The following LRRC28 variants were observed in gnomAD, a reference collection of about 807,000 sequenced individuals.
LRRC28 encodes the protein leucine rich repeat containing 28.
In LRRC28, 39 loss-of-function variants were observed where a neutral mutation model predicts 45.7. That is an observed-to-expected ratio of 0.85 (90% CI 0.66 to 1.12). The LOEUF (loss-of-function observed/expected upper bound fraction) is 1.12, where lower values mean the gene tolerates loss of function less well. Among genes scored for constraint, LRRC28 ranks in the 50% most tolerant of loss-of-function variants. The pLI, the probability that LRRC28 is intolerant of heterozygous loss-of-function variation, is 0.00. For missense variants in LRRC28, 435 were observed against 438.5 expected, an observed-to-expected ratio of 0.99 and a Z score of 0.07; for synonymous variants, 206 against 178.8, an observed-to-expected ratio of 1.15 and a Z score of -1.22.
intron 6 of LRRC28, among the ~76,000 whole-genome samples, chr15:99,342,950 A>G (rs972699872): frequency 1.3e-5 from 2 of 152,198 alleles, no homozygotes; most frequent in African/African-American, 4.8e-5. Flanking sequence ...TTAAAAATTT[A>G]TTACTCTGAG....
chr15:99,346,280 G>C (rs1220802007), intron 6 of LRRC28, among the ~76,000 whole-genome samples: 1 of 152,172 alleles, frequency 6.6e-6, no homozygotes, highest in Non-Finnish European at 1.5e-5. Flanking sequence ...GGGCTCAAGT[G>C]ATCTTTCTGC....
chr15:99,296,433 C>T (rs1311198093), intron 5 of LRRC28, among the ~76,000 whole-genome samples: 1 of 152,176 alleles, frequency 6.6e-6, no homozygotes, highest in Non-Finnish European at 1.5e-5. Context: ...CGTTACCCTC[C>T]TTAGGCAAAT....
chr15:99,308,632 C>T (rs1567648975), intron 5 of LRRC28, among the ~76,000 whole-genome samples: 3 of 152,174 alleles, frequency 2.0e-5, no homozygotes, highest in Admixed American at 2.0e-4. Flanking sequence ...ATGAACGCTC[C>T]ACTGCACTTC....
In LRRC28 at chr15:99,330,544, C is replaced by T. The variant is rs372377018; in HGVS notation, c.386-3379C>T. Among the ~76,000 whole-genome samples the T allele has an allele frequency of 2.0e-5, 3 of 152,026 alleles. No homozygotes were observed. The East Asian group carries it at 5.8e-4, about 29-fold the overall frequency. ...CTATTTTTTTCTGATATGAATATAG[C>T]TGCTCTCTCTTATGTTACTTTTTGC... On this transcript the variant is annotated intron_variant, in intron 5 of 9. Transcript: ENST00000301981.
At chr15:99,310,675 G>A (rs7167899) in intron 5 of LRRC28, among the ~76,000 whole-genome samples, 73,938 of 152,048 alleles carry the variant, frequency 0.49, 19,283 homozygotes, top group African/African-American at 0.7. Flanking sequence ...ACAAAAATCC[G>A]TGTAAGTAAG....
intron 6 of LRRC28, among the ~76,000 whole-genome samples, chr15:99,339,181 T>C (rs1186083157): frequency 2.0e-5 from 3 of 152,162 alleles, no homozygotes; most frequent in Admixed American, 1.3e-4. Context: ...TTTTTAACCA[T>C]GCGCTTCTGG....
At chr15:99,300,847 A>T (rs911803224) in intron 5 of LRRC28, among the ~76,000 whole-genome samples, 5 of 152,172 alleles carry the variant, frequency 3.3e-5, no homozygotes, top group Non-Finnish European at 5.9e-5. Flanking sequence ...TAAAATAAAA[A>T]GTGTGCACAG....
At chr15:99,314,770 G>T (rs1311290752) in intron 5 of LRRC28, among the ~76,000 whole-genome samples, 1 of 152,194 alleles carries the variant, frequency 6.6e-6, no homozygotes, top group Admixed American at 6.5e-5. Flanking sequence ...TCAATCTCTA[G>T]TGGAGAAAGT....
At chr15:99,271,285 A>ATT (rs71287826) in intron 2 of LRRC28, among the ~76,000 whole-genome samples, 5,597 of 145,984 alleles carry the variant, frequency 0.038, 182 homozygotes, top group Admixed American at 0.06. Context: ...CAGTGTATCT[A>ATT]TTTTTTTTTT....
chr15:99,363,435 C>A, intron 9 of LRRC28, 170 bp downstream of exon 9: 1 of 653,350 alleles, frequency 1.5e-6, no homozygotes, highest in Non-Finnish European at 2.5e-6. Flanking sequence ...CACAAGAAAA[C>A]TGGACTTGCC....
At chr15:99,345,429 T>C (rs1473738459) in intron 6 of LRRC28, among the ~76,000 whole-genome samples, 1 of 152,238 alleles carries the variant, frequency 6.6e-6, no homozygotes, top group Non-Finnish European at 1.5e-5. Flanking sequence ...TAGGACTTGT[T>C]GAGCACCTTT....
At chr15:99,315,540 A>G (rs1955563280) in intron 5 of LRRC28, among the ~76,000 whole-genome samples, 1 of 152,160 alleles carries the variant, frequency 6.6e-6, no homozygotes, top group African/African-American at 2.4e-5. Context: ...ATTAAACTCA[A>G]TTTTGAAACA....
chr15:99,363,047 C>T (rs979069730), intron 8 of LRRC28, 59 bp from the exon 9 acceptor site: 3 of 1,518,346 alleles, frequency 2.0e-6, no homozygotes, highest in African/African-American at 2.8e-5. Context: ...TTTTAAGAAG[C>T]GTAGTTTAAG....
chr15:99,339,897 C>G (rs1956450459), intron 6 of LRRC28, among the ~76,000 whole-genome samples: 1 of 152,136 alleles, frequency 6.6e-6, no homozygotes, highest in Non-Finnish European at 1.5e-5. Flanking sequence ...CTTGGAGATT[C>G]TAGTAGTGTT....
At chr15:99,377,133 A>G (rs1457311308) in intron 9 of LRRC28, among the ~76,000 whole-genome samples, 1 of 151,908 alleles carries the variant, frequency 6.6e-6, no homozygotes, top group Non-Finnish European at 1.5e-5. Context: ...GACTTCCACA[A>G]TGGTTGAACT....
chr15:99,385,186 C>T (rs1208284979), intron 9 of LRRC28, among the ~76,000 whole-genome samples: 1 of 152,176 alleles, frequency 6.6e-6, no homozygotes, highest in East Asian at 1.9e-4. Flanking sequence ...TGCCCTTCAG[C>T]CCCCTGCTGG....
intron 9 of LRRC28, among the ~76,000 whole-genome samples, chr15:99,369,771 A>G (rs754983864): frequency 1.3e-5 from 2 of 152,248 alleles, no homozygotes; most frequent in Non-Finnish European, 2.9e-5. Context: ...AAAATTAACT[A>G]AAAGGTCTTA....
intron 5 of LRRC28, among the ~76,000 whole-genome samples, chr15:99,329,271 A>G (rs903520989): frequency 6.6e-6 from 1 of 152,238 alleles, no homozygotes; most frequent in African/African-American, 2.4e-5. Flanking sequence ...CCATAACCAG[A>G]CTTTCAAACA....
chr15:99,366,117 G>A lies in LRRC28; in HGVS notation c.1031+2852G>A, dbSNP rs1296970062. On this transcript the variant is annotated intron_variant, in intron 9 of 9. Transcript: ENST00000301981. ...AGTTTGCCAGGGATGCTGCAACAAA[G>A]TGCTGCAAACTGGGTGACTTAAACA... 2.0e-5 allele frequency among the ~76,000 whole-genome samples: 3 copies of A among 152,184 alleles called. No individual in the cohort carries two copies. The East Asian group carries it at 5.8e-4, about 29-fold the overall frequency.
Sources: gnomAD v4.1 joint callset for allele counts (sites outside exome capture counted in the v4.1 genomes callset) on GRCh38, gnomAD v4.1.1 for gene constraint, MANE v1.5 for transcripts, NCBI Gene and HGNC (gene_info 2026-07-23, HGNC 2026-07-21) for gene names.